The following KIR3DL1 variants were observed in gnomAD, a reference collection of about 807,000 sequenced individuals.
The protein encoded by KIR3DL1 is killer cell immunoglobulin-like receptor 3DL1.
A neutral mutation model predicts 40.3 loss-of-function variants in KIR3DL1; 50 were observed. The observed-to-expected ratio is 1.24, with a 90% CI of 0.99 to 1.57. The LOEUF (loss-of-function observed/expected upper bound fraction) is 1.57. Ranked by LOEUF, KIR3DL1 falls within the 40% of genes most tolerant of loss-of-function variation. The pLI is 0.00. For synonymous variants in KIR3DL1, 257 were observed against 207.2 expected (o/e 1.24, Z -2.07); for missense variants, 661 against 559.9 (o/e 1.18, Z -1.82).
chr19:54,819,823 C>A lies in KIR3DL1; in HGVS notation c.466C>A (p.His156Asn), dbSNP rs759143204. The change falls in exon 4 of 9, where the codon CAC (histidine) becomes AAC (asparagine). Residue 156 changes from histidine (H) to asparagine (N), a missense_variant. His to Asn is a moderately conservative substitution (Grantham distance 68). Transcript: ENST00000391728. The stretch of plus-strand genomic sequence containing the variant: ...TATCATGTTTGAGCACTTCTTTCTG[C>A]ACAAAGAGGGGATCTCTAAGGACCC... The A allele has an allele frequency of 1.9e-6, 3 of 1,611,966 alleles. No individual in the cohort carries two copies. In the South Asian group the frequency reaches 3.3e-5, roughly 18 times the overall value.
In KIR3DL1 at chr19:54,819,930, G is replaced by A. The variant is rs1453249444; in HGVS notation, c.573G>A (p.Gly191=). 2.0e-5 allele frequency: 33 copies of A among 1,611,970 alleles called. 2 individuals carry two copies. The East Asian group carries it at 2.5e-4, about 12-fold the overall frequency. ...GTCCCATGATGCTTGCCCTTGCAGG[G>A]ACCTACAGATGCTACGGTTCTGTTA... is the stretch of plus-strand genomic sequence containing the variant. The change falls in exon 4 of 9, where the codon GGG becomes GGA. Residue 191 remains glycine, a synonymous_variant. Coordinates refer to ENST00000391728, the Ensembl canonical transcript of KIR3DL1.
At position 54,825,465 on chromosome 19, in the gene KIR3DL1, G is replaced by C. The variant is rs1361217935; in HGVS notation, c.1000+387G>C. Among the ~76,000 whole-genome samples, 2 of 150,286 alleles carry C rather than the reference G, an allele frequency of 1.3e-5. 1 individual carries two copies. The highest frequency in any genetic ancestry group is 5.0e-5 in the African/African-American group (2 of 40,258). On this transcript the variant is annotated intron_variant, in intron 6 of 8. Transcript: ENST00000391728. ...AGAGAAGTTCCACTTGCCAAGGAATGAATTACTGTTGGTCATGAAGCAACC... is the reference window on the plus strand; with the variant it reads ...AGAGAAGTTCCACTTGCCAAGGAATCAATTACTGTTGGTCATGAAGCAACC...
chr19:54,819,862 G>A (rs1375393240), exon 4 of KIR3DL1: 3 of 1,612,056 alleles, frequency 1.9e-6, no homozygotes, highest in African/African-American at 2.7e-5. Flanking sequence ...ACGCCTCGTT[G>A]GACAGATCCA....
intron 5 of KIR3DL1, among the ~76,000 whole-genome samples, chr19:54,822,887 G>A (rs596692): frequency 0.41 from 52,209 of 126,734 alleles, 13,495 homozygotes; most frequent in Non-Finnish European, 0.49. Context: ...ACCCACTGAT[G>A]GGCAGGTAGG....
At chr19:54,826,182 A>G (rs2061878891) in intron 6 of KIR3DL1, among the ~76,000 whole-genome samples, 1 of 150,372 alleles carries the variant, frequency 6.7e-6, no homozygotes, top group Admixed American at 6.6e-5. Context: ...GGTGAACAAG[A>G]TGCATTTGGC....
At chr19:54,817,175 G>C (rs373892042) in intron 1 of KIR3DL1, among the ~76,000 whole-genome samples, 15,845 of 144,352 alleles carry the variant, frequency 0.11, 1,166 homozygotes, top group Non-Finnish European at 0.14. Flanking sequence ...CTGGAGTGGA[G>C]ATATGAGCCT....
At chr19:54,830,116 C>T (rs773909194) in exon 9 of KIR3DL1, 5 of 1,524,246 alleles carry the variant, frequency 3.3e-6, no homozygotes, top group Non-Finnish European at 2.7e-6. Context: ...ATGAACAAGA[C>T]CCTGAGGAGG....
intron 6 of KIR3DL1, among the ~76,000 whole-genome samples, chr19:54,825,389 G>A (rs2916039): frequency 8.4e-4 from 125 of 148,620 alleles, no homozygotes; most frequent in African/African-American, 2.9e-3. Context: ...AAATTCCTGG[G>A]GACTTGAGAG....
exon 9 of KIR3DL1, chr19:54,830,514 A>G (rs1315282268): frequency 3.7e-6 from 2 of 543,800 alleles, no homozygotes; most frequent in Non-Finnish European, 6.3e-6. Flanking sequence ...TCTCCATTTC[A>G]CTTGACCCCT....
At chr19:54,826,296 C>T (rs34891547) in intron 6 of KIR3DL1, among the ~76,000 whole-genome samples, 39,098 of 140,958 alleles carry the variant, frequency 0.28, 5,545 homozygotes, top group Non-Finnish European at 0.32. Flanking sequence ...AGCATCTGTG[C>T]ATGAAATCTA....
intron 3 of KIR3DL1, 86 bp downstream of exon 3, chr19:54,818,685 A>G: frequency 2.0e-6 from 3 of 1,519,062 alleles, no homozygotes; most frequent in Non-Finnish European, 2.6e-6. Context: ...GGGTCCCATC[A>G]CCCAGGCCCT....
chr19:54,817,351 TG>T (rs2061401661), intron 1 of KIR3DL1, among the ~76,000 whole-genome samples, 182 bp from the exon 2 acceptor site: 1 of 90,722 alleles, frequency 1.1e-5, no homozygotes, highest in East Asian at 3.3e-4. Context: ...GGTAGAGATC[TG>T]GGCCTGGAGG....
chr19:54,821,609 G>A, exon 5 of KIR3DL1: 1 of 1,608,612 alleles, frequency 6.2e-7, no homozygotes, highest in Non-Finnish European at 8.5e-7. Context: ...GGGCCCCAAG[G>A]TTCAGGCAGG....
exon 5 of KIR3DL1, chr19:54,821,648 C>A (rs759968155): frequency 6.2e-7 from 1 of 1,609,502 alleles, no homozygotes. Flanking sequence ...CTGTAGCTCC[C>A]GGAGCTCCTA....
Position 54,822,122 on chromosome 19 carries a change from T to C in KIR3DL1, c.949+264T>C, listed in dbSNP as rs1337513758. Reference sequence around the variant, plus strand: ...GACCCAGAGAAGGGGAGACTGGGCTTAGTTTGGGGAGATCAGAGGTTCCCT... The same window carrying C: ...GACCCAGAGAAGGGGAGACTGGGCTCAGTTTGGGGAGATCAGAGGTTCCCT... On this transcript the variant is annotated intron_variant, in intron 5 of 8. Transcript: ENST00000391728. 6.0e-4 allele frequency among the ~76,000 whole-genome samples: 91 copies of C among 151,098 alleles called. 2 individuals carry two copies. The highest frequency in any genetic ancestry group is 1.9e-3 in the African/African-American group (78 of 40,938).
chr19:54,830,132 T>C (rs2062142879), exon 9 of KIR3DL1: 1 of 1,524,234 alleles, frequency 6.6e-7, no homozygotes, highest in Middle Eastern at 1.7e-4. Flanking sequence ...GGAGGTGACA[T>C]ACGCACAGTT....
intron 6 of KIR3DL1, among the ~76,000 whole-genome samples, chr19:54,827,877 G>A (rs1035423751): frequency 6.7e-6 from 1 of 149,876 alleles, no homozygotes; most frequent in East Asian, 1.9e-4. Context: ...AAAAAAACTT[G>A]CCCCCTCACC....
rs1393687460 is a variant in KIR3DL1 at position 54,818,610 on chromosome 19, T to A, written c.355+11T>A. 4 of 1,604,540 alleles carry A rather than the reference T, an allele frequency of 2.5e-6. No homozygotes were observed. Among genetic ancestry groups the A allele is most frequent in the Non-Finnish European group, 3.4e-6 (4 of 1,178,464 alleles). On this transcript the variant is annotated intron_variant, in intron 3 of 8. Transcript: ENST00000391728. ...TGATCATGGTCACAGGTCAGAGGCT[T>A]TCCGTCTGGGCTTCTCACTGTCCCA...
chr19:54,821,688 G>T, exon 5 of KIR3DL1: 3 of 1,609,336 alleles, frequency 1.9e-6, no homozygotes, highest in African/African-American at 1.3e-5. Flanking sequence ...AGGGAGGGGG[G>T]AGCCCATGAA....
Sources: gnomAD v4.1 joint callset for allele counts (sites outside exome capture counted in the v4.1 genomes callset) on GRCh38, gnomAD v4.1.1 for gene constraint, MANE v1.5 for transcripts, NCBI Gene and HGNC (gene_info 2026-07-23, HGNC 2026-07-21) for gene names.